The following CTNNA2 variants were observed in gnomAD, a reference collection of about 807,000 sequenced individuals.
CTNNA2 encodes catenin alpha 2, also known as catenin alpha-2.
Under a neutral mutation model 101.0 loss-of-function variants are expected in CTNNA2, and 42 were observed. The observed-to-expected ratio is 0.42, with a 90% confidence interval of 0.32 to 0.54. The LOEUF (loss-of-function observed/expected upper bound fraction) is 0.54. Among genes scored for constraint, CTNNA2 ranks in the 20% least tolerant of loss-of-function variants. The pLI, the probability that CTNNA2 is intolerant of heterozygous loss-of-function variation, is 0.14. For missense variants in CTNNA2, 871 were observed against 1,223.1 expected (o/e 0.71, Z 4.29); for synonymous variants, 450 against 456.4 (o/e 0.99, Z 0.18).
At position 79,837,642 on chromosome 2, in the gene CTNNA2, G is replaced by A. The variant is rs770276804; in HGVS notation, c.299-20371G>A. ...GGTACATATGTGGAGAGGTGTCAGC[G>A]AAAACTTTTTTTTCTCTTCTCCTAT... On this transcript the variant is annotated intron_variant, in intron 3 of 18. Coordinates refer to ENST00000402739, the MANE Select transcript of CTNNA2 (RefSeq NM_001282597.3). Among the ~76,000 whole-genome samples, 592 of 151,756 alleles carry A rather than the reference G, an allele frequency of 3.9e-3. 5 individuals carry two copies. Among genetic ancestry groups the A allele is most frequent in the Non-Finnish European group, 5.2e-3 (355 of 67,926 alleles).
intron 7 of CTNNA2, among the ~76,000 whole-genome samples, chr2:80,195,612 CTT>C (rs538517274): frequency 5.2e-4 from 66 of 127,278 alleles, no homozygotes; most frequent in African/African-American, 6.7e-4. Flanking sequence ...ACCAAAACAT[CTT>C]TTTTTTTTTT....
At chr2:80,325,120 A>G (rs1409210186) in intron 7 of CTNNA2, among the ~76,000 whole-genome samples, 1 of 152,228 alleles carries the variant, frequency 6.6e-6, no homozygotes, top group Non-Finnish European at 1.5e-5. Context: ...TTCATTAAAT[A>G]TATGTCAAAT....
At chr2:79,509,683 C>T (rs1433568940), upstream of CTNNA2, among the ~76,000 whole-genome samples, 4 of 152,032 alleles carry the variant, frequency 2.6e-5, no homozygotes, top group Admixed American at 2.0e-4. Flanking sequence ...GGATACATGT[C>T]GTTATACTTC....
At chr2:80,074,224 C>T (rs1479929925) in intron 7 of CTNNA2, among the ~76,000 whole-genome samples, 1 of 152,108 alleles carries the variant, frequency 6.6e-6, no homozygotes, top group East Asian at 2.0e-4. Flanking sequence ...CAACTGTGCT[C>T]ATCAAATAAG....
intron 3 of CTNNA2, among the ~76,000 whole-genome samples, chr2:79,803,701 G>A (rs1333490654): frequency 6.6e-6 from 1 of 152,202 alleles, no homozygotes; most frequent in Non-Finnish European, 1.5e-5. Context: ...CAGTTTTGGG[G>A]CCAGTTTATG....
At chr2:79,894,847 A>G (rs1336536370) in intron 6 of CTNNA2, among the ~76,000 whole-genome samples, 3 of 152,186 alleles carry the variant, frequency 2.0e-5, no homozygotes, top group Non-Finnish European at 4.4e-5. Flanking sequence ...ACACTTTCAC[A>G]TGCACTTTTA....
At chr2:79,846,956 G>A (rs1342164695) in intron 3 of CTNNA2, among the ~76,000 whole-genome samples, 1 of 152,190 alleles carries the variant, frequency 6.6e-6, no homozygotes, top group Non-Finnish European at 1.5e-5. Context: ...GGCTTAAAAA[G>A]TAGTGTGGGA....
intron 9 of CTNNA2, among the ~76,000 whole-genome samples, chr2:80,420,912 A>G (rs892746059): frequency 1.3e-5 from 2 of 152,244 alleles, no homozygotes; most frequent in Non-Finnish European, 2.9e-5. Flanking sequence ...ATACCAGCCT[A>G]GAGCTAAAAC....
chr2:80,574,804 C>G (rs887480655), intron 13 of CTNNA2, among the ~76,000 whole-genome samples: 7 of 152,286 alleles, frequency 4.6e-5, no homozygotes, highest in Middle Eastern at 3.4e-3. Context: ...AGCCTAACAT[C>G]AAACCTCTTA....
intron 7 of CTNNA2, among the ~76,000 whole-genome samples, chr2:79,954,996 C>G (rs1323249746): frequency 2.0e-5 from 3 of 152,118 alleles, no homozygotes; most frequent in Non-Finnish European, 4.4e-5. Context: ...CCCTTTTGTT[C>G]CTAGGAATGC....
At chr2:80,527,886 T>A (rs1377919576) in intron 9 of CTNNA2, among the ~76,000 whole-genome samples, 3 of 152,222 alleles carry the variant, frequency 2.0e-5, no homozygotes, top group Non-Finnish European at 4.4e-5. Context: ...AGGCTTAAAA[T>A]GCCCACGTCT....
At chr2:80,012,253 A>C (rs1046524698) in intron 7 of CTNNA2, among the ~76,000 whole-genome samples, 34 of 152,210 alleles carry the variant, frequency 2.2e-4, no homozygotes, top group East Asian at 1.9e-4. Context: ...GAAACCCAGC[A>C]GTTAGAGTTT....
At chr2:79,895,193 C>G (rs1574252737) in intron 6 of CTNNA2, among the ~76,000 whole-genome samples, 1 of 152,118 alleles carries the variant, frequency 6.6e-6, no homozygotes, top group African/African-American at 2.4e-5. Flanking sequence ...AAGCAAAAAG[C>G]GTATTTTCAG....
At chr2:80,162,700 G>A in intron 7 of CTNNA2, 1 of 1,612,788 alleles carries the variant, frequency 6.2e-7, no homozygotes, top group Non-Finnish European at 8.5e-7. Context: ...CTTGAAGACT[G>A]ATTAAAACTA....
At chr2:79,914,420 G>A (rs1686041679) in intron 7 of CTNNA2, among the ~76,000 whole-genome samples, 1 of 152,128 alleles carries the variant, frequency 6.6e-6, no homozygotes, top group Non-Finnish European at 1.5e-5. Flanking sequence ...AACTGTAAAT[G>A]AAGAACAATA....
intron 3 of CTNNA2, among the ~76,000 whole-genome samples, chr2:79,777,683 G>C (rs1429619064): frequency 2.6e-5 from 4 of 152,074 alleles, no homozygotes; most frequent in Admixed American, 2.6e-4. Context: ...AAAAGGATGG[G>C]AATCTGACCT....
chr2:80,067,376 C>G (rs1698055839), intron 7 of CTNNA2, among the ~76,000 whole-genome samples: 1 of 151,696 alleles, frequency 6.6e-6, no homozygotes, highest in Non-Finnish European at 1.5e-5. Context: ...TTCAAAACAT[C>G]ATGTTTTGAA....
intron 9 of CTNNA2, among the ~76,000 whole-genome samples, chr2:80,474,178 T>C (rs1353503287): frequency 6.6e-6 from 1 of 152,184 alleles, no homozygotes; most frequent in Non-Finnish European, 1.5e-5. Context: ...AATAAGAAGG[T>C]ACATCAGAAG....
intron 7 of CTNNA2, among the ~76,000 whole-genome samples, chr2:80,079,348 G>T (rs1277169350): frequency 6.6e-6 from 1 of 152,170 alleles, no homozygotes; most frequent in Non-Finnish European, 1.5e-5. Flanking sequence ...GAAGAAGAAA[G>T]CTCACCCAGG....
Sources: allele counts gnomAD v4.1 joint callset (sites outside exome capture counted in the v4.1 genomes callset), GRCh38; gene constraint gnomAD v4.1.1; transcripts MANE v1.5; gene names NCBI Gene and HGNC (gene_info 2026-07-23, HGNC 2026-07-21).